Variants in IMPA1 observed in about 807,000 individuals in gnomAD.
IMPA1 encodes D-galactose 1-phosphate phosphatase.
Under a neutral mutation model 34.9 loss-of-function variants are expected in IMPA1, and 21 were observed. The observed-to-expected ratio is 0.60, with a 90% CI of 0.43 to 0.87. The LOEUF (loss-of-function observed/expected upper bound fraction) is 0.87, where lower values mean the gene tolerates loss of function less well. Among genes scored for constraint, IMPA1 ranks in the 40% least tolerant of loss-of-function variants. The pLI, the probability that IMPA1 is intolerant of heterozygous loss-of-function variation, is 0.00. For missense variants in IMPA1, 299 were observed against 336.4 expected (o/e 0.89, Z 0.87); for synonymous variants, 95 against 104.4 (o/e 0.91, Z 0.55).
chr8:81,668,478 A>T (rs1053042189), intron 7 of IMPA1, among the ~76,000 whole-genome samples: 4 of 152,154 alleles, frequency 2.6e-5, no homozygotes, highest in African/African-American at 9.7e-5. Context: ...CTGTGGTCAC[A>T]GCTACTTGGG....
intron 1 of IMPA1, among the ~76,000 whole-genome samples, chr8:81,685,506 C>T (rs1447796857): frequency 7.1e-6 from 1 of 141,706 alleles, no homozygotes; most frequent in Admixed American, 7.2e-5. Flanking sequence ...AGTATATATA[C>T]GTAAGTATAT....
chr8:81,685,015 G>GTATATTTAGATACTATATATACTATACA (rs1563593058), intron 1 of IMPA1, among the ~76,000 whole-genome samples: 1 of 124,062 alleles, frequency 8.1e-6, no homozygotes, highest in East Asian at 2.4e-4. Flanking sequence ...TATACTATAC[G>GTATATTTAGATACTATATATACTATACA]TAAGTATATT....
chr8:81,675,904 C>T (rs1463336692), intron 5 of IMPA1, among the ~76,000 whole-genome samples: 1 of 152,176 alleles, frequency 6.6e-6, no homozygotes, highest in Non-Finnish European at 1.5e-5. Flanking sequence ...CAGCTCAAAT[C>T]TCACCTCTTC....
chr8:81,666,729 G>A (rs530454100), intron 7 of IMPA1, among the ~76,000 whole-genome samples: 4 of 151,776 alleles, frequency 2.6e-5, no homozygotes, highest in African/African-American at 9.7e-5. Flanking sequence ...CAAAAGCCGG[G>A]CATGGTGGTG....
At chr8:81,681,372 T>C (rs1807295004) in intron 2 of IMPA1, 126 bp downstream of exon 2, 3 of 636,446 alleles carry the variant, frequency 4.7e-6, no homozygotes, top group Admixed American at 5.0e-5. Context: ...ACATTCCAGC[T>C]TGGGTGACAA....
At chr8:81,684,008 T>G (rs1346121483) in intron 1 of IMPA1, among the ~76,000 whole-genome samples, 1 of 151,856 alleles carries the variant, frequency 6.6e-6, no homozygotes, top group Non-Finnish European at 1.5e-5. Context: ...GTCAGAGAAT[T>G]TCTTCATGGC....
intron 8 of IMPA1, 143 bp from the exon 9 acceptor site, chr8:81,659,609 C>T: frequency 3.3e-6 from 2 of 609,546 alleles, no homozygotes; most frequent in South Asian, 2.0e-5. Context: ...TACATTTCTA[C>T]AATGTATAAG....
chr8:81,681,641 C>T, intron 1 of IMPA1, 57 bp from the exon 2 acceptor site: 1 of 965,600 alleles, frequency 1.0e-6, no homozygotes. Context: ...AGTTAGTTCA[C>T]AAAAACGTCT....
intron 5 of IMPA1, chr8:81,674,300 C>G (rs1457232203): frequency 1.5e-5 from 3 of 196,508 alleles, no homozygotes; most frequent in African/African-American, 7.0e-5. Flanking sequence ...CAGCTGATTC[C>G]CTAGTCTCTT....
At chr8:81,685,117 A>G (rs1807463089) in intron 1 of IMPA1, among the ~76,000 whole-genome samples, 2 of 135,550 alleles carry the variant, frequency 1.5e-5, no homozygotes, top group East Asian at 4.2e-4. Context: ...TATAGTATAC[A>G]TTAAGTATAT....
At chr8:81,666,734 G>T (rs1158842786) in intron 7 of IMPA1, among the ~76,000 whole-genome samples, 5 of 151,870 alleles carry the variant, frequency 3.3e-5, no homozygotes, top group Non-Finnish European at 7.4e-5. Flanking sequence ...GCCGGGCATG[G>T]TGGTGCGTAG....
In IMPA1 at chr8:81,673,860, T is replaced by C. The variant is rs749069269; in HGVS notation, c.438A>G (p.Leu146=). ...GKGAFCNGQK[L]QVSQQEDITK... is the part of the protein sequence containing the mutation. Reference sequence around the variant, plus strand: ...TCCTACCTTCTTGTTGTGAAACTTGTAGTTTTTGACCATTACAAAAGGCAC... The same window carrying C: ...TCCTACCTTCTTGTTGTGAAACTTGCAGTTTTTGACCATTACAAAAGGCAC... Residue 146 remains leucine, a synonymous_variant, in exon 6 of 9, where the codon CTA becomes CTG. Transcript: ENST00000256108. The C allele has an allele frequency of 1.1e-5, 18 of 1,603,766 alleles. No homozygotes were observed. The East Asian group carries it at 1.6e-4, about 14-fold the overall frequency.
chr8:81,663,172 G>A (rs180731498), intron 7 of IMPA1, among the ~76,000 whole-genome samples: 1 of 152,182 alleles, frequency 6.6e-6, no homozygotes, highest in African/African-American at 2.4e-5. Context: ...AAAATTAAAG[G>A]TTAAAGTTGT....
At chr8:81,669,361 T>A (rs1046207658) in intron 7 of IMPA1, among the ~76,000 whole-genome samples, 6 of 152,284 alleles carry the variant, frequency 3.9e-5, no homozygotes, top group African/African-American at 1.4e-4. Context: ...CCAGTAGCCA[T>A]ATGGGCTGTA....
rs1211344043 is a variant in IMPA1, at chr8:81,657,364, ATCACT to A, written c.*1982_*1986del. On this transcript the variant is annotated 3_prime_UTR_variant, in exon 9 of 9. Coordinates refer to ENST00000256108, the MANE Select transcript of IMPA1 (RefSeq NM_005536.4). ...CACTTTAGAAGGCTGAGGCAGGAGG[ATCACT>A]TGAGCCCAATGAGACCAGCCTAAGC... is the stretch of plus-strand genomic sequence containing the variant. 1.3e-5 allele frequency among the ~76,000 whole-genome samples: 2 copies of A among 152,148 alleles called. No individual in the cohort carries two copies.
intron 1 of IMPA1, among the ~76,000 whole-genome samples, chr8:81,683,034 G>A (rs1411079851): frequency 6.6e-6 from 1 of 152,236 alleles, no homozygotes; most frequent in East Asian, 1.9e-4. Flanking sequence ...TAACAGGGGA[G>A]CTTTCACCTG....
In IMPA1 at chr8:81,657,471, C is replaced by A. The variant is rs1459804354; in HGVS notation, c.*1880G>T. On this transcript the variant is annotated 3_prime_UTR_variant, in exon 9 of 9. Coordinates refer to ENST00000256108, the MANE Select transcript of IMPA1 (RefSeq NM_005536.4). Reference sequence around the variant, plus strand: ...TGGCATGTGCCTGTGGTTCCAGTTACTAGGGAGGCTGAGGTGGGAGGACTG... The same window carrying A: ...TGGCATGTGCCTGTGGTTCCAGTTAATAGGGAGGCTGAGGTGGGAGGACTG... Among the ~76,000 whole-genome samples, 6 of 152,138 alleles carry A rather than the reference C, an allele frequency of 3.9e-5. No homozygotes were observed. The highest frequency in any genetic ancestry group is 1.9e-4 in the East Asian group (1 of 5,168).
At chr8:81,681,024 C>T (rs1370248702) in intron 2 of IMPA1, among the ~76,000 whole-genome samples, 1 of 152,024 alleles carries the variant, frequency 6.6e-6, no homozygotes, top group East Asian at 1.9e-4. Context: ...AAAATTTTAT[C>T]ATATAAAATT....
chr8:81,661,432 C>T (rs1806669514), intron 7 of IMPA1, among the ~76,000 whole-genome samples: 1 of 152,156 alleles, frequency 6.6e-6, no homozygotes, highest in African/African-American at 2.4e-5. Context: ...AAGAAATGTG[C>T]CTGATAAAAT....
Sources: gnomAD v4.1 joint callset for allele counts (sites outside exome capture counted in the v4.1 genomes callset) on GRCh38, gnomAD v4.1.1 for gene constraint, MANE v1.5 for transcripts, NCBI Gene and HGNC (gene_info 2026-07-23, HGNC 2026-07-21) for gene names.